Variants in IPO9 observed in about 807,000 individuals in gnomAD.
IPO9 encodes importin 9.
IPO9 carries 28 observed loss-of-function variants against 128.6 expected under a neutral mutation model. That is an observed-to-expected ratio of 0.22 (90% CI 0.16 to 0.30). The LOEUF is 0.30. Ranked by LOEUF, IPO9 falls within the 10% of genes least tolerant of loss-of-function variation. The probability of loss-of-function intolerance (pLI) is 1.00; values close to 1 mark genes in which losing one functional copy is unlikely to be tolerated. For missense variants in IPO9, 935 were observed against 1,293.9 expected (o/e 0.72, Z 4.26); for synonymous variants, 455 against 475.8 (o/e 0.96, Z 0.57).
intron 1 of IPO9, among the ~76,000 whole-genome samples, chr1:201,831,313 T>C (rs1396947895): frequency 6.6e-6 from 1 of 152,172 alleles, no homozygotes; most frequent in Non-Finnish European, 1.5e-5. Flanking sequence ...ATGAAAAGTA[T>C]GGAAAGGCAT....
At chr1:201,832,074 G>C (rs1679846273) in intron 1 of IPO9, among the ~76,000 whole-genome samples, 1 of 151,400 alleles carries the variant, frequency 6.6e-6, no homozygotes, top group Non-Finnish European at 1.5e-5. Context: ...GCTAATTTTT[G>C]TATTTTTAGT....
At chr1:201,869,899 C>T (rs746924378) in intron 17 of IPO9, among the ~76,000 whole-genome samples, 181 bp downstream of exon 17, 10 of 152,182 alleles carry the variant, frequency 6.6e-5, no homozygotes, top group Non-Finnish European at 1.5e-4. Context: ...TGCTTTGGAG[C>T]ATGTTACAGT....
At position 201,853,057 on chromosome 1, in the gene IPO9, C is replaced by G; in HGVS notation, c.650C>G (p.Thr217Ser). Residue 217 changes from threonine to serine, a missense_variant, in exon 6 of 24, where the codon ACT (threonine) becomes AGT (serine). Around this residue, in one of 3 missense-constraint regions of IPO9, gnomAD observed 741 missense variants for 1,019.1 expected, o/e 0.73. Transcript: ENST00000361565. ...TRSRAVEIFTTCAHMICNMEE... is the reference protein window; with the variant it reads ...TRSRAVEIFTSCAHMICNMEE... ...TCCCGAGCCGTGGAGATTTTTACCA[C>G]TTGTGCCCATATGATCTGTAACATG... The G allele has an allele frequency of 6.2e-7, 1 of 1,614,092 alleles. No individual in the cohort carries two copies. The highest frequency in any genetic ancestry group is 8.5e-7 in the Non-Finnish European group (1 of 1,180,010).
At chr1:201,857,312 T>G in intron 11 of IPO9, 118 bp downstream of exon 11, 1 of 672,068 alleles carries the variant, frequency 1.5e-6, no homozygotes, top group Non-Finnish European at 2.6e-6. Context: ...TATCTCAGAC[T>G]TTATTGGGGA....
Position 201,858,443 on chromosome 1 carries a change from A to C in IPO9, c.1222-4A>C. The C allele has an allele frequency of 6.7e-7, 1 of 1,498,712 alleles. No homozygotes were observed. The highest frequency in any genetic ancestry group is 2.2e-5 in the Admixed American group (1 of 45,380). 92.8% of individuals were successfully genotyped at this position (1,498,712 alleles called of 1,614,324 possible). ...CAGATTTATTAGCTCTTCTCTCTCTATAGGCTGTGGCCACAGATTTCCAGA... is the reference window on the plus strand; with the variant it reads ...CAGATTTATTAGCTCTTCTCTCTCTCTAGGCTGTGGCCACAGATTTCCAGA... On this transcript the variant is annotated splice_polypyrimidine_tract_variant and splice_region_variant and intron_variant, in intron 11 of 23. Transcript: ENST00000361565.
intron 1 of IPO9, among the ~76,000 whole-genome samples, chr1:201,841,646 C>T (rs1680038338): frequency 6.6e-6 from 1 of 152,128 alleles, no homozygotes; most frequent in South Asian, 2.1e-4. Context: ...AAGTTGATAT[C>T]TTGGCTTGGA....
At chr1:201,853,259 G>T (rs1032181911) in intron 6 of IPO9, among the ~76,000 whole-genome samples, 162 bp downstream of exon 6, 3 of 152,044 alleles carry the variant, frequency 2.0e-5, no homozygotes, top group African/African-American at 7.2e-5. Context: ...TTCCAGACAG[G>T]GTCTTGCTCT....
chr1:201,871,997 G>A (rs976064782), intron 19 of IPO9, among the ~76,000 whole-genome samples: 12 of 152,112 alleles, frequency 7.9e-5, no homozygotes, highest in African/African-American at 2.9e-4. Context: ...CACTTTAGGA[G>A]GCTGAGGCGA....
At chr1:201,871,080 T>TA (rs1680642135) in intron 18 of IPO9, 81 bp from the exon 19 acceptor site, 1 of 1,418,690 alleles carries the variant, frequency 7.0e-7, no homozygotes, top group African/African-American at 1.4e-5. Context: ...CTGTATTTCT[T>TA]ATCTGACTGG....
At chr1:201,875,325 C>CA (rs1680739586) in intron 23 of IPO9, 97 bp downstream of exon 23, 2 of 1,102,084 alleles carry the variant, frequency 1.8e-6, no homozygotes, top group South Asian at 2.5e-5. Flanking sequence ...CATGGTGGCT[C>CA]ATGCCTGTAA....
intron 1 of IPO9, among the ~76,000 whole-genome samples, chr1:201,834,758 A>G (rs1679894300): frequency 6.6e-6 from 1 of 152,244 alleles, no homozygotes; most frequent in African/African-American, 2.4e-5. Flanking sequence ...CACAGAGAAT[A>G]CATTTTTCTT....
intron 3 of IPO9, 91 bp from the exon 4 acceptor site, chr1:201,848,302 A>T: frequency 1.8e-6 from 2 of 1,087,750 alleles, no homozygotes; most frequent in African/African-American, 1.5e-5. Flanking sequence ...CCTTGTACTC[A>T]TTGTTTTTCC....
At chr1:201,853,539 G>A (rs1000653600) in intron 6 of IPO9, among the ~76,000 whole-genome samples, 1 of 149,028 alleles carries the variant, frequency 6.7e-6, no homozygotes, top group Non-Finnish European at 1.5e-5. Context: ...AGCTATATTT[G>A]TATTTTTTTT....
intron 15 of IPO9, among the ~76,000 whole-genome samples, chr1:201,867,447 T>G (rs1680574339): frequency 6.6e-6 from 1 of 152,078 alleles, no homozygotes; most frequent in Non-Finnish European, 1.5e-5. Context: ...TGAAATACTG[T>G]GCAGCCATTA....
chr1:201,858,221 A>G (rs934710486), intron 11 of IPO9, among the ~76,000 whole-genome samples: 14 of 152,234 alleles, frequency 9.2e-5, no homozygotes, highest in Non-Finnish European at 1.8e-4. Context: ...AAAGGAGCCA[A>G]CTGGTTAGCC....
chr1:201,872,985 AATCCTCTCCCT>A (rs1375028420), intron 20 of IPO9, 24 bp downstream of exon 20: 1 of 1,603,128 alleles, frequency 6.2e-7, no homozygotes, highest in Non-Finnish European at 8.5e-7. Context: ...CGATTCTTCC[AATCCTCTCCCT>A]ATACGAAGGG....
At chr1:201,862,304 A>C (rs993771160) in intron 13 of IPO9, among the ~76,000 whole-genome samples, 13 of 151,862 alleles carry the variant, frequency 8.6e-5, no homozygotes, top group African/African-American at 3.1e-4. Context: ...CTAAAAATAC[A>C]AAAATTAGCC....
At position 201,876,165 on chromosome 1, in the gene IPO9, C is replaced by A; in HGVS notation, c.*111C>A. 1.2e-6 allele frequency: 1 copy of A among 808,008 alleles called. No homozygotes were observed. The highest frequency in any genetic ancestry group is 2.2e-6 in the Non-Finnish European group (1 of 446,158). 50.1% of individuals were successfully genotyped at this position (808,008 alleles called of 1,614,324 possible). A position where few individuals can be genotyped will look rare whatever the true frequency, so the allele number is the denominator to read the frequency against. ...CTCAACCTAAAGTGGCATCTTGACC[C>A]TTGGCCCTTGGCCTCGGCAGTGACA... On this transcript the variant is annotated 3_prime_UTR_variant, in exon 24 of 24. Transcript: ENST00000361565.
At chr1:201,860,729 AATTTATTAATATT>A (rs1680428357) in intron 13 of IPO9, among the ~76,000 whole-genome samples, 1 of 152,240 alleles carries the variant, frequency 6.6e-6, no homozygotes, top group East Asian at 1.9e-4. Context: ...ATGTGGCTTT[AATTTATTAATATT>A]TAACATACTA....
Sources: allele counts gnomAD v4.1 joint callset (sites outside exome capture counted in the v4.1 genomes callset), GRCh38; gene constraint gnomAD v4.1.1; regional missense constraint gnomAD v4.1.1; transcripts MANE v1.5; gene names NCBI Gene and HGNC (gene_info 2026-07-23, HGNC 2026-07-21).